PRKCQ: variants seen among roughly 807,000 people sequenced by gnomAD.
PRKCQ encodes the protein protein kinase C theta.
PRKCQ carries 41 observed loss-of-function variants against 91.2 expected under a neutral mutation model. That is an observed-to-expected ratio of 0.45 (90% CI 0.35 to 0.58). The LOEUF is 0.58. Ranked by LOEUF, PRKCQ falls within the 20% of genes least tolerant of loss-of-function variation. The probability of loss-of-function intolerance (pLI) is 0.00; values close to 1 mark genes in which losing one functional copy is unlikely to be tolerated. For synonymous variants in PRKCQ, 307 were observed against 316.9 expected, an observed-to-expected ratio of 0.97 and a Z score of 0.33; for missense variants, 673 against 896.5, an observed-to-expected ratio of 0.75 and a Z score of 3.18.
At chr10:6,516,054 TTTATAC>T (rs2130871687) in intron 1 of PRKCQ, among the ~76,000 whole-genome samples, 1 of 152,356 alleles carries the variant, frequency 6.6e-6, no homozygotes, top group Non-Finnish European at 1.5e-5. Context: ...TTTTTGATGA[TTTATAC>T]TTATAATTTT....
At chr10:6,483,705 T>C in intron 10 of PRKCQ, 105 bp from the exon 11 acceptor site, 1 of 1,337,994 alleles carries the variant, frequency 7.5e-7, no homozygotes, top group Non-Finnish European at 1.0e-6. Flanking sequence ...TGAGGCTCCA[T>C]CATAGTAATT....
chr10:6,551,842 G>A (rs145079301), intron 1 of PRKCQ, among the ~76,000 whole-genome samples: 5 of 152,302 alleles, frequency 3.3e-5, no homozygotes, highest in South Asian at 2.1e-4. Flanking sequence ...ACCCAGTAAT[G>A]GGATTCCTGG....
chr10:6,533,083 C>A (rs1165759481), intron 1 of PRKCQ, among the ~76,000 whole-genome samples: 1 of 152,170 alleles, frequency 6.6e-6, no homozygotes, highest in African/African-American at 2.4e-5. Context: ...TCCCACTTAA[C>A]CCCTGTGCCT....
chr10:6,448,428 G>C (rs75426126), intron 15 of PRKCQ, among the ~76,000 whole-genome samples: 1 of 132,868 alleles, frequency 7.5e-6, no homozygotes, highest in African/African-American at 2.8e-5. Context: ...TTTTTTTTTT[G>C]AGTCAGAGTC....
At position 6,465,190 on chromosome 10, in the gene PRKCQ, G is replaced by T. The variant is rs1835581152; in HGVS notation, c.1354-786C>A. Among the ~76,000 whole-genome samples, 2 of 152,194 alleles carry T rather than the reference G, an allele frequency of 1.3e-5. No homozygotes were observed. Among genetic ancestry groups the T allele is most frequent in the African/African-American group, 4.8e-5 (2 of 41,436 alleles). On this transcript the variant is annotated intron_variant, in intron 12 of 17. Transcript: ENST00000263125. The surrounding 1 kb of genome is among the most constrained non-coding windows in gnomAD (Gnocchi z 4.4). ...ATTAGCTACTGAGCATATTCTGTGG[G>T]CGTGGCGTGGGGGGAGTGGGCGGGT...
At chr10:6,398,519 T>C in the PRKCQ span, among the ~76,000 whole-genome samples, 6 of 152,218 alleles carry the variant, frequency 3.9e-5, no homozygotes, top group African/African-American at 1.4e-4. Flanking sequence ...GTTTTCTCAT[T>C]CATTTGGAGT....
Position 6,560,813 on chromosome 10 carries a change from G to A in PRKCQ, c.-10+19398C>T, listed in dbSNP as rs139201570. Among the ~76,000 whole-genome samples the A allele has an allele frequency of 3.8e-3, 581 of 152,272 alleles. 3 individuals are homozygous for A. The highest frequency in any genetic ancestry group is 0.013 in the African/African-American group (545 of 41,564). On this transcript the variant is annotated intron_variant, in intron 1 of 17. Coordinates refer to ENST00000263125, the MANE Select transcript of PRKCQ (RefSeq NM_006257.5). The stretch of plus-strand genomic sequence containing the variant: ...CCAGCGCTTTGGGAGGCCGAGGCGG[G>A]TGGATCACGAGGTCAGGACATCAAG...
At chr10:6,539,533 C>T (rs1272847731) in intron 1 of PRKCQ, among the ~76,000 whole-genome samples, 1 of 151,952 alleles carries the variant, frequency 6.6e-6, no homozygotes, top group Non-Finnish European at 1.5e-5. Flanking sequence ...CAGATGGGAC[C>T]ATCTAGTTGC....
At chr10:6,480,293 TAAC>T (rs2130769065) in intron 11 of PRKCQ, among the ~76,000 whole-genome samples, 1 of 152,290 alleles carries the variant, frequency 6.6e-6, no homozygotes, top group East Asian at 1.9e-4. Flanking sequence ...AGACAGAAGT[TAAC>T]AACATCAACA....
intron 1 of PRKCQ, among the ~76,000 whole-genome samples, chr10:6,541,280 AT>A (rs1839767108): frequency 1.3e-5 from 2 of 152,204 alleles, no homozygotes; most frequent in African/African-American, 4.8e-5. Flanking sequence ...TCAGATCTGA[AT>A]TTGGCGTTGG....
chr10:6,428,128 A>G lies in PRKCQ; in HGVS notation c.*79T>C. On this transcript the variant is annotated 3_prime_UTR_variant, in exon 18 of 18. Transcript: ENST00000263125. Reference sequence around the variant, plus strand: ...GTGTTTCTTTCTTTTTCCAAGTTGAAAAAGGAACCCAAGCAGTGTCTCTTG... The same window carrying G: ...GTGTTTCTTTCTTTTTCCAAGTTGAGAAAGGAACCCAAGCAGTGTCTCTTG... 2 of 1,559,546 alleles carry G rather than the reference A, an allele frequency of 1.3e-6. No individual in the cohort carries two copies. Among genetic ancestry groups the G allele is most frequent in the Non-Finnish European group, 1.8e-6 (2 of 1,142,546 alleles).
Position 6,430,803 on chromosome 10 carries a change from T to C in PRKCQ, c.1965+7A>G. 1 of 1,613,066 alleles carries C rather than the reference T, an allele frequency of 6.2e-7. No homozygotes were observed. The highest frequency in any genetic ancestry group is 1.3e-5 in the African/African-American group (1 of 74,900). On this transcript the variant is annotated splice_region_variant and intron_variant, in intron 17 of 17. Transcript: ENST00000263125. The surrounding 1 kb of genome is among the most constrained non-coding windows in gnomAD (Gnocchi z 4.7). ...TGACACCAAGCGGCCCATGAGCGAG[T>C]CCTTACCACTTTCGGCCGGAACGGT...
intron 1 of PRKCQ, among the ~76,000 whole-genome samples, chr10:6,555,865 C>G (rs1840391355): frequency 6.6e-6 from 1 of 152,002 alleles, no homozygotes; most frequent in South Asian, 2.1e-4. Flanking sequence ...CAAAAATTAG[C>G]TGGGGTGGTG....
the PRKCQ span, among the ~76,000 whole-genome samples, chr10:6,415,744 CTCT>C: frequency 0.012 from 947 of 76,222 alleles, 3 homozygotes; most frequent in Middle Eastern, 0.037. Flanking sequence ...CTCTCTCTCT[CTCT>C]TTTTTTTTTT....
chr10:6,455,410 C>G (rs1488539309), intron 15 of PRKCQ, among the ~76,000 whole-genome samples: 2 of 152,166 alleles, frequency 1.3e-5, no homozygotes, highest in Non-Finnish European at 2.9e-5. Context: ...GAAGCCAAGG[C>G]TAAATTCAAA....
the PRKCQ span, among the ~76,000 whole-genome samples, chr10:6,416,566 G>C: frequency 6.6e-6 from 1 of 152,314 alleles, no homozygotes; most frequent in East Asian, 1.9e-4. Context: ...TGGCTGAGTA[G>C]TGTGCTATGG....
intron 8 of PRKCQ, among the ~76,000 whole-genome samples, chr10:6,486,831 G>A (rs2130788407): frequency 6.6e-6 from 1 of 152,326 alleles, no homozygotes; most frequent in African/African-American, 2.4e-5. Flanking sequence ...CCTTTAGGTT[G>A]AAGCCCAGGA....
At chr10:6,428,457 T>C (rs1833238786) in intron 17 of PRKCQ, 95 bp from the exon 18 acceptor site, 2 of 1,389,960 alleles carry the variant, frequency 1.4e-6, no homozygotes, top group Non-Finnish European at 2.0e-6. Context: ...GATCTGCGTA[T>C]GGCAAAGTTG....
intron 16 of PRKCQ, among the ~76,000 whole-genome samples, chr10:6,434,115 A>G (rs1283183822): frequency 6.6e-6 from 1 of 151,916 alleles, no homozygotes; most frequent in African/African-American, 2.4e-5. Context: ...CTAAATGATA[A>G]ATGATTGGTC....
Sources: gnomAD v4.1 joint callset for allele counts (sites outside exome capture counted in the v4.1 genomes callset) on GRCh38, gnomAD v4.1.1 for gene constraint, Gnocchi (gnomAD v3.1) non-coding constraint, MANE v1.5 for transcripts, NCBI Gene and HGNC (gene_info 2026-07-23, HGNC 2026-07-21) for gene names.